Variants in KCNQ5 observed in about 807,000 individuals in gnomAD.
The protein encoded by KCNQ5 is potassium voltage-gated channel subfamily KQT member 5.
Under a neutral mutation model 98.2 loss-of-function variants are expected in KCNQ5, and 30 were observed. The ratio of observed to expected loss-of-function variants is 0.31; its 90% confidence interval spans 0.23 to 0.41. The LOEUF is 0.41. Among genes scored for constraint, KCNQ5 ranks in the 10% least tolerant of loss-of-function variants. The pLI, the probability that KCNQ5 is intolerant of heterozygous loss-of-function variation, is 1.00. For synonymous variants in KCNQ5, 458 were observed against 449.4 expected, an observed-to-expected ratio of 1.02 and a Z score of -0.24; for missense variants, 835 against 1,182.5, an observed-to-expected ratio of 0.71 and a Z score of 4.31.
intron 9 of KCNQ5, 129 bp downstream of exon 9, chr6:73,124,641 T>A: frequency 1.2e-6 from 1 of 846,972 alleles, no homozygotes; most frequent in Non-Finnish European, 2.0e-6. Flanking sequence ...TTCACAAGAT[T>A]GCCTGCAAAG....
At chr6:72,939,561 C>T (rs1766124414) in intron 1 of KCNQ5, among the ~76,000 whole-genome samples, 1 of 152,218 alleles carries the variant, frequency 6.6e-6, no homozygotes, top group Non-Finnish European at 1.5e-5. Flanking sequence ...TAAGCACCTG[C>T]CTCCCTGAAC....
intron 2 of KCNQ5, among the ~76,000 whole-genome samples, chr6:73,038,821 G>T (rs549754163): frequency 6.6e-6 from 1 of 151,628 alleles, no homozygotes; most frequent in Admixed American, 6.6e-5. Flanking sequence ...TTGTTTTATT[G>T]TCTTTGTCTG....
At chr6:73,157,530 C>T (rs1777413637) in intron 10 of KCNQ5, 7 of 730,334 alleles carry the variant, frequency 9.6e-6, no homozygotes, top group Middle Eastern at 2.7e-4. Flanking sequence ...ACAGAACTGA[C>T]GATACTTCCA....
intron 1 of KCNQ5, among the ~76,000 whole-genome samples, chr6:72,654,064 A>C (rs908934179): frequency 2.0e-5 from 3 of 152,088 alleles, no homozygotes; most frequent in African/African-American, 7.2e-5. Flanking sequence ...CTATGACTAT[A>C]ACCCAGAATA....
At chr6:73,120,441 T>C (rs778020510) in intron 7 of KCNQ5, 42 bp from the exon 8 acceptor site, 3 of 1,345,138 alleles carry the variant, frequency 2.2e-6, no homozygotes, top group South Asian at 2.4e-5. Flanking sequence ...TAAATCCTGC[T>C]CTCTTTTTTC....
intron 1 of KCNQ5, among the ~76,000 whole-genome samples, chr6:72,661,646 G>A (rs1419671174): frequency 1.3e-5 from 2 of 152,094 alleles, no homozygotes; most frequent in East Asian, 1.9e-4. Context: ...CACCCAATAT[G>A]TATCACTAGA....
chr6:73,042,199 T>C, intron 3 of KCNQ5, 137 bp downstream of exon 3: 1 of 951,182 alleles, frequency 1.1e-6, no homozygotes, highest in South Asian at 1.4e-5. Flanking sequence ...TCTTGTGTCT[T>C]GAAAATGTTG....
chr6:73,050,885 A>G (rs557187638), intron 3 of KCNQ5, among the ~76,000 whole-genome samples: 30 of 152,326 alleles, frequency 2.0e-4, no homozygotes, highest in African/African-American at 6.7e-4. Context: ...GATGCTCTTG[A>G]GATCCATCCA....
chr6:72,760,292 A>G (rs759414567), intron 1 of KCNQ5, among the ~76,000 whole-genome samples: 1 of 152,166 alleles, frequency 6.6e-6, no homozygotes, highest in African/African-American at 2.4e-5. Context: ...CAGTGTAGCA[A>G]GGTCTCCTGG....
intron 3 of KCNQ5, among the ~76,000 whole-genome samples, chr6:73,051,013 C>G (rs1306634130): frequency 6.6e-6 from 1 of 152,128 alleles, no homozygotes. Context: ...TAGTTTTTGG[C>G]TATTACAAAT....
At chr6:72,844,929 G>A (rs1776956069) in intron 1 of KCNQ5, among the ~76,000 whole-genome samples, 1 of 152,130 alleles carries the variant, frequency 6.6e-6, no homozygotes, top group Non-Finnish European at 1.5e-5. Context: ...AGCAGAAAGT[G>A]TACATTAGAA....
chr6:72,658,578 A>ATATATATATATT (rs1226386362), intron 1 of KCNQ5, among the ~76,000 whole-genome samples: 20 of 76,370 alleles, frequency 2.6e-4, no homozygotes, highest in East Asian at 8.3e-4. Context: ...ATATATATAT[A>ATATATATATATT]TTTTTTTTTT....
rs140992930 is a variant in KCNQ5 at position 72,681,559 on chromosome 6, A to C, written c.398+58972A>C. Reference sequence around the variant, plus strand: ...GGATGGATAATTAATGTTTGACATTAAAACCATAGATGCTTCAAATCCATA... The same window carrying C: ...GGATGGATAATTAATGTTTGACATTCAAACCATAGATGCTTCAAATCCATA... On this transcript the variant is annotated intron_variant, in intron 1 of 13. Transcript: ENST00000370398. Among the ~76,000 whole-genome samples the C allele has an allele frequency of 2.5e-3, 386 of 152,342 alleles. 2 individuals are homozygous for C. The highest frequency in any genetic ancestry group is 9.1e-3 in the African/African-American group (379 of 41,576).
rs147971692 is a variant in KCNQ5 at position 72,772,922 on chromosome 6, T to C, written c.398+150335T>C. Among the ~76,000 whole-genome samples the C allele has an allele frequency of 2.9e-3, 437 of 152,258 alleles. 3 individuals carry two copies. Among genetic ancestry groups the C allele is most frequent in the African/African-American group, 0.01 (425 of 41,560 alleles). ...CACACCTACCACACCTGAATTGCAA[T>C]AGTTCTTTATAGATCTCTAACAGGA... is the stretch of plus-strand genomic sequence containing the variant. On this transcript the variant is annotated intron_variant, in intron 1 of 13. Coordinates refer to ENST00000370398, the MANE Select transcript of KCNQ5 (RefSeq NM_019842.4).
At chr6:73,118,903 C>T (rs1162526491) in intron 7 of KCNQ5, among the ~76,000 whole-genome samples, 4 of 152,150 alleles carry the variant, frequency 2.6e-5, no homozygotes, top group African/African-American at 9.7e-5. Context: ...TGCCTGTAGT[C>T]CCAGCTACTC....
At chr6:73,141,529 G>T (rs769900855) in intron 10 of KCNQ5, among the ~76,000 whole-genome samples, 1 of 152,160 alleles carries the variant, frequency 6.6e-6, no homozygotes, top group Non-Finnish European at 1.5e-5. Flanking sequence ...GATTTCTCTA[G>T]GTTCTGTCCC....
chr6:72,843,932 C>T (rs1776911783), intron 1 of KCNQ5, among the ~76,000 whole-genome samples: 1 of 152,020 alleles, frequency 6.6e-6, no homozygotes, highest in African/African-American at 2.4e-5. Context: ...AACTTGCTCT[C>T]ACTCGTATGT....
intron 3 of KCNQ5, among the ~76,000 whole-genome samples, chr6:73,070,324 TTTATTTAGATGGTA>T (rs1773246399): frequency 6.6e-6 from 1 of 152,192 alleles, no homozygotes; most frequent in Non-Finnish European, 1.5e-5. Context: ...TGACAGAGTT[TTTATTTAGATGGTA>T]TTGGGAAAAT....
chr6:73,133,717 C>T (rs903737458), intron 10 of KCNQ5, 76 bp downstream of exon 10: 10 of 1,224,792 alleles, frequency 8.2e-6, no homozygotes, highest in South Asian at 2.6e-5. Context: ...ATTAATTCTC[C>T]ATAGTGCCAC....
Sources: gnomAD v4.1 joint callset for allele counts (sites outside exome capture counted in the v4.1 genomes callset) on GRCh38, gnomAD v4.1.1 for gene constraint, MANE v1.5 for transcripts, NCBI Gene and HGNC (gene_info 2026-07-23, HGNC 2026-07-21) for gene names.